The following WNT3A variants were observed in gnomAD, a reference collection of about 807,000 sequenced individuals.
WNT3A encodes Wnt family member 3A.
WNT3A carries 17 observed loss-of-function variants against 37.0 expected under a neutral mutation model. The ratio of observed to expected loss-of-function variants is 0.46; its 90% CI spans 0.31 to 0.69. The LOEUF is 0.69. Among genes scored for constraint, WNT3A ranks in the 30% least tolerant of loss-of-function variants. WNT3A has a pLI of 0.05. For missense variants in WNT3A, 411 were observed against 510.2 expected (o/e 0.81, Z 1.87); for synonymous variants, 187 against 211.0 (o/e 0.89, Z 0.99).
chr1:228,032,967 C>T (rs748679163), intron 2 of WNT3A, among the ~76,000 whole-genome samples: 2 of 152,166 alleles, frequency 1.3e-5, no homozygotes, highest in Non-Finnish European at 2.9e-5. Flanking sequence ...TGGCCATTTG[C>T]CTCTCTTCCT....
chr1:228,012,940 T>C (rs1171973149), intron 1 of WNT3A, among the ~76,000 whole-genome samples: 2 of 152,176 alleles, frequency 1.3e-5, no homozygotes, highest in African/African-American at 4.8e-5. Flanking sequence ...TGCAGTGATG[T>C]GATCTTGGCT....
intron 1 of WNT3A, among the ~76,000 whole-genome samples, chr1:228,009,545 G>A (rs1558282590): frequency 6.6e-6 from 1 of 152,154 alleles, no homozygotes. Context: ...TGGGCTCCTG[G>A]TGAGCCCCAG....
intron 1 of WNT3A, among the ~76,000 whole-genome samples, chr1:228,012,963 G>C (rs1188972995): frequency 6.6e-6 from 1 of 152,088 alleles, no homozygotes; most frequent in African/African-American, 2.4e-5. Context: ...CTGCAGCCTC[G>C]ACCCTCATGG....
intron 1 of WNT3A, among the ~76,000 whole-genome samples, chr1:228,014,917 G>C (rs916220461): frequency 6.6e-6 from 1 of 152,236 alleles, no homozygotes; most frequent in Admixed American, 6.5e-5. Context: ...CGGAAGCCAT[G>C]GGTCTAGGGA....
intron 2 of WNT3A, among the ~76,000 whole-genome samples, chr1:228,027,786 CATTT>C (rs2030888899): frequency 6.6e-6 from 1 of 152,106 alleles, no homozygotes; most frequent in African/African-American, 2.4e-5. Context: ...AATTAGGTCC[CATTT>C]ATTTATTTTT....
chr1:228,022,203 A>G (rs2030724227), intron 1 of WNT3A, among the ~76,000 whole-genome samples: 1 of 152,232 alleles, frequency 6.6e-6, no homozygotes, highest in Non-Finnish European at 1.5e-5. Flanking sequence ...TCATGCCTGT[A>G]ATCCCAGCAC....
intron 2 of WNT3A, among the ~76,000 whole-genome samples, chr1:228,035,512 G>A (rs1367444558): frequency 6.6e-6 from 1 of 152,204 alleles, no homozygotes; most frequent in African/African-American, 2.4e-5. Flanking sequence ...GAGGGCAGGT[G>A]CAGCCCGGGA....
At chr1:228,057,675 T>G (rs548633983) in intron 3 of WNT3A, among the ~76,000 whole-genome samples, 1 of 152,162 alleles carries the variant, frequency 6.6e-6, no homozygotes, top group African/African-American at 2.4e-5. Context: ...CAGAGCCCAG[T>G]TGAAGCCTTA....
intron 1 of WNT3A, among the ~76,000 whole-genome samples, chr1:228,011,418 C>T (rs2030365265): frequency 6.6e-6 from 1 of 152,204 alleles, no homozygotes; most frequent in Non-Finnish European, 1.5e-5. Flanking sequence ...GCCCCTTCTT[C>T]CTTCTCCCTT....
At position 228,042,772 on chromosome 1, in the gene WNT3A, G is replaced by C. The variant is rs958501327; in HGVS notation, c.314-7884G>C. 3.3e-5 allele frequency among the ~76,000 whole-genome samples: 5 copies of C among 151,854 alleles called. No individual in the cohort carries two copies. Among genetic ancestry groups the C allele is most frequent in the Non-Finnish European group, 7.4e-5 (5 of 67,948 alleles). On this transcript the variant is annotated intron_variant, in intron 2 of 3. Coordinates refer to ENST00000284523, the MANE Select transcript of WNT3A (RefSeq NM_033131.4). This position sits in a 1 kb window ranked among gnomAD's most constrained non-coding sequence, Gnocchi z 5.2. ...ATGAATGGATGAATGGTGGATGATG[G>C]ATGATAGATGGATGATGGATAGATG...
Position 228,007,680 on chromosome 1 carries a change from G to A in WNT3A, c.71+481G>A, listed in dbSNP as rs1230267615. 6.6e-6 allele frequency among the ~76,000 whole-genome samples: 1 copy of A among 152,162 alleles called. No individual in the cohort carries two copies. Among genetic ancestry groups the A allele is most frequent in the African/African-American group, 2.4e-5 (1 of 41,444 alleles). ...ATGAGACAAGACTGAACAGCTCGGA[G>A]CAGCGTGGTTACGTAAAGAAAGCTG... On this transcript the variant is annotated intron_variant, in intron 1 of 3. Transcript: ENST00000284523. The surrounding 1 kb of genome is among the most constrained non-coding windows in gnomAD (Gnocchi z 6.0).
intron 1 of WNT3A, among the ~76,000 whole-genome samples, chr1:228,021,295 A>C (rs909716823): frequency 6.6e-6 from 1 of 152,220 alleles, no homozygotes; most frequent in Non-Finnish European, 1.5e-5. Context: ...TTTAAACTTA[A>C]TTACATTAAT....
At chr1:228,029,277 G>A (rs1367573008) in intron 2 of WNT3A, among the ~76,000 whole-genome samples, 1 of 152,194 alleles carries the variant, frequency 6.6e-6, no homozygotes, top group African/African-American at 2.4e-5. Context: ...GCTGCGTTCT[G>A]GGGTAGAGGA....
chr1:228,049,638 C>A (rs748296945), intron 2 of WNT3A, among the ~76,000 whole-genome samples: 1 of 152,172 alleles, frequency 6.6e-6, no homozygotes, highest in Non-Finnish European at 1.5e-5. Flanking sequence ...GGTCTGATTT[C>A]TCCACATCCT....
At chr1:228,023,822 C>G (rs993807518) in intron 2 of WNT3A, among the ~76,000 whole-genome samples, 1 of 152,202 alleles carries the variant, frequency 6.6e-6, no homozygotes, top group Non-Finnish European at 1.5e-5. Context: ...CAGCCATTCC[C>G]GTTCTTCTCC....
Position 228,007,654 on chromosome 1 carries a change from G to A in WNT3A, c.71+455G>A, listed in dbSNP as rs554416903. Among the ~76,000 whole-genome samples, 9 of 152,160 alleles carry A rather than the reference G, an allele frequency of 5.9e-5. No individual in the cohort carries two copies. The South Asian group carries it at 1.9e-3, about 32-fold the overall frequency. On this transcript the variant is annotated intron_variant, in intron 1 of 3. Transcript: ENST00000284523. The surrounding 1 kb of genome is among the most constrained non-coding windows in gnomAD (Gnocchi z 6.0). ...CACACACACGTTTTAAAACAAAGTC[G>A]ATGAGACAAGACTGAACAGCTCGGA...
chr1:228,046,691 G>T (rs931634028), intron 2 of WNT3A, among the ~76,000 whole-genome samples: 3 of 151,086 alleles, frequency 2.0e-5, no homozygotes, highest in African/African-American at 7.3e-5. Context: ...GAGTGCATGT[G>T]TATGCTGTGC....
In WNT3A at chr1:228,008,357, A is replaced by G. The variant is rs1320204863; in HGVS notation, c.71+1158A>G. On this transcript the variant is annotated intron_variant, in intron 1 of 3. Transcript: ENST00000284523. This position sits in a 1 kb window ranked among gnomAD's most constrained non-coding sequence, Gnocchi z 4.9. ...GGGGGGAGACCCAGCGAGCCGAGGT[A>G]CATCTAATCCGATAATAATTTTTCT... is the stretch of plus-strand genomic sequence containing the variant. 6.6e-6 allele frequency among the ~76,000 whole-genome samples: 1 copy of G among 152,178 alleles called. No individual in the cohort carries two copies.
At chr1:228,015,529 G>T (rs1269764428) in intron 1 of WNT3A, among the ~76,000 whole-genome samples, 2 of 152,192 alleles carry the variant, frequency 1.3e-5, no homozygotes, top group Non-Finnish European at 2.9e-5. Flanking sequence ...CGGGGTGCAG[G>T]GCATGGGGGC....
Sources: gnomAD v4.1 joint callset for allele counts (sites outside exome capture counted in the v4.1 genomes callset) on GRCh38, gnomAD v4.1.1 for gene constraint, Gnocchi (gnomAD v3.1) non-coding constraint, MANE v1.5 for transcripts, NCBI Gene and HGNC (gene_info 2026-07-23, HGNC 2026-07-21) for gene names.